Variants in GPC6 observed in about 807,000 individuals in gnomAD.
The protein encoded by GPC6 is glypican 6.
A neutral mutation model predicts 55.2 loss-of-function variants in GPC6; 14 were observed. The observed-to-expected ratio is 0.25, with a 90% CI of 0.17 to 0.40. The LOEUF (loss-of-function observed/expected upper bound fraction) is 0.40. Ranked by LOEUF, GPC6 falls within the 10% of genes least tolerant of loss-of-function variation. GPC6 has a pLI of 1.00. For synonymous variants in GPC6, 278 were observed against 259.6 expected, an observed-to-expected ratio of 1.07 and a Z score of -0.68; for missense variants, 641 against 708.5, an observed-to-expected ratio of 0.90 and a Z score of 1.08.
intron 6 of GPC6, among the ~76,000 whole-genome samples, chr13:94,364,414 C>T (rs938461944): frequency 6.6e-6 from 1 of 152,146 alleles, no homozygotes; most frequent in African/African-American, 2.4e-5. Context: ...ATTTACCTCA[C>T]CGGGGTAAGA....
intron 1 of GPC6, among the ~76,000 whole-genome samples, chr13:93,288,467 T>C (rs1878209250): frequency 6.6e-6 from 1 of 152,170 alleles, no homozygotes; most frequent in Non-Finnish European, 1.5e-5. Context: ...TTTTTTTCTT[T>C]CTGTTTTGGT....
chr13:93,638,383 A>G (rs1278804689), intron 2 of GPC6, among the ~76,000 whole-genome samples: 3 of 152,162 alleles, frequency 2.0e-5, no homozygotes, highest in Non-Finnish European at 4.4e-5. Context: ...ATTTATATAT[A>G]TCAGAATCCT....
intron 1 of GPC6, among the ~76,000 whole-genome samples, chr13:93,457,826 T>A (rs564714075): frequency 7.0e-6 from 1 of 143,852 alleles, no homozygotes; most frequent in South Asian, 2.2e-4. Flanking sequence ...TATCTGTCGA[T>A]CAATATTAAA....
chr13:93,554,691 A>G (rs2139448356), intron 2 of GPC6, among the ~76,000 whole-genome samples: 1 of 152,318 alleles, frequency 6.6e-6, no homozygotes, highest in African/African-American at 2.4e-5. Context: ...GCATTTTAGC[A>G]AATGTAAAAA....
At position 93,535,096 on chromosome 13, in the gene GPC6, T is replaced by C. The variant is rs568994237; in HGVS notation, c.161-10167T>C. Among the ~76,000 whole-genome samples, 5 of 152,212 alleles carry C rather than the reference T, an allele frequency of 3.3e-5. No homozygotes were observed. The South Asian group carries it at 1.0e-3, about 31-fold the overall frequency. ...CATGTTCTGCATTTTTGGTCTCTTA[T>C]CCTGATTTTATTATTAGTGGTCCTG... On this transcript the variant is annotated intron_variant, in intron 1 of 8. Coordinates refer to ENST00000377047, the MANE Select transcript of GPC6 (RefSeq NM_005708.5).
chr13:93,616,851 A>C (rs1878745510), intron 2 of GPC6, among the ~76,000 whole-genome samples: 1 of 152,108 alleles, frequency 6.6e-6, no homozygotes, highest in Admixed American at 6.6e-5. Flanking sequence ...AATTATAAGT[A>C]ATGATTAACT....
intron 3 of GPC6, among the ~76,000 whole-genome samples, chr13:93,916,415 A>T (rs1239311747): frequency 2.0e-5 from 3 of 152,076 alleles, no homozygotes; most frequent in Non-Finnish European, 4.4e-5. Context: ...CATTGCCAAG[A>T]GTTTGTATTT....
At chr13:93,244,023 G>C (rs1876521739) in intron 1 of GPC6, among the ~76,000 whole-genome samples, 1 of 152,094 alleles carries the variant, frequency 6.6e-6, no homozygotes, top group South Asian at 2.1e-4. Context: ...GGAAAAGCTG[G>C]GTGGGGGCTG....
chr13:93,251,443 C>T (rs959499901), intron 1 of GPC6, among the ~76,000 whole-genome samples: 4 of 152,112 alleles, frequency 2.6e-5, no homozygotes, highest in Admixed American at 1.3e-4. Context: ...ACATTATACC[C>T]ATTACATAAA....
Position 94,005,356 on chromosome 13 carries a change from C to T in GPC6, c.712-22373C>T, listed in dbSNP as rs140723485. ...CCACTGATAATCCTTGTAGAGAGTT[C>T]TGCAATGATCTGCATAAAATAGTAG... is the stretch of plus-strand genomic sequence containing the variant. On this transcript the variant is annotated intron_variant, in intron 3 of 8. Coordinates refer to ENST00000377047, the MANE Select transcript of GPC6 (RefSeq NM_005708.5). Among the ~76,000 whole-genome samples the T allele has an allele frequency of 5.3e-5, 8 of 152,238 alleles. No individual in the cohort carries two copies. In the East Asian group the frequency reaches 1.5e-3, roughly 29 times the overall value.
In GPC6 at chr13:93,567,179, C is replaced by A. The variant is rs113880092; in HGVS notation, c.319+21758C>A. Among the ~76,000 whole-genome samples the A allele has an allele frequency of 3.8e-3, 579 of 152,240 alleles. 7 individuals are homozygous for A. Among genetic ancestry groups the A allele is most frequent in the African/African-American group, 0.013 (557 of 41,536 alleles). On this transcript the variant is annotated intron_variant, in intron 2 of 8. Transcript: ENST00000377047. ...TGGTTGAACTAATTTACACTTCCAT[C>A]AACAGTCGTATTAACAATTACAATA... is the stretch of plus-strand genomic sequence containing the variant.
intron 4 of GPC6, among the ~76,000 whole-genome samples, chr13:94,125,405 T>G (rs1460086389): frequency 6.6e-6 from 1 of 152,118 alleles, no homozygotes; most frequent in African/African-American, 2.4e-5. Flanking sequence ...GCATTTTTTT[T>G]CCCAGACTGA....
At chr13:93,620,335 C>T (rs1342640835) in intron 2 of GPC6, among the ~76,000 whole-genome samples, 1 of 152,104 alleles carries the variant, frequency 6.6e-6, no homozygotes, top group South Asian at 2.1e-4. Context: ...ATTCAGTGGC[C>T]TTGTCTGGCT....
chr13:93,704,301 C>G (rs1040444297), intron 2 of GPC6, among the ~76,000 whole-genome samples: 2 of 151,836 alleles, frequency 1.3e-5, no homozygotes, highest in African/African-American at 4.8e-5. Context: ...AGAATTTATT[C>G]TGCAAATAAG....
intron 2 of GPC6, among the ~76,000 whole-genome samples, chr13:93,642,310 C>T (rs1230224412): frequency 6.6e-6 from 1 of 152,094 alleles, no homozygotes; most frequent in African/African-American, 2.4e-5. Context: ...CACGTTGCTG[C>T]AGAGGACATG....
At chr13:94,053,085 G>T (rs576385475) in intron 4 of GPC6, among the ~76,000 whole-genome samples, 23 of 152,292 alleles carry the variant, frequency 1.5e-4, no homozygotes, top group African/African-American at 4.3e-4. Context: ...CTTCATTTTT[G>T]AAGAGAATGA....
At chr13:93,655,473 G>A (rs557680438) in intron 2 of GPC6, among the ~76,000 whole-genome samples, 10 of 152,226 alleles carry the variant, frequency 6.6e-5, no homozygotes, top group South Asian at 2.1e-4. Flanking sequence ...CGGTGTAAAG[G>A]TTTAAATATA....
chr13:94,273,928 G>A (rs1181699044), intron 4 of GPC6, among the ~76,000 whole-genome samples: 1 of 152,124 alleles, frequency 6.6e-6, no homozygotes, highest in African/African-American at 2.4e-5. Flanking sequence ...TTCCTATGAA[G>A]AATCAACAAT....
At chr13:93,479,156 T>A (rs1247050707) in intron 1 of GPC6, among the ~76,000 whole-genome samples, 1 of 152,200 alleles carries the variant, frequency 6.6e-6, no homozygotes, top group Non-Finnish European at 1.5e-5. Flanking sequence ...AATAGAATTA[T>A]GTCTTGGGAA....
Sources: allele counts gnomAD v4.1 joint callset (sites outside exome capture counted in the v4.1 genomes callset), GRCh38; gene constraint gnomAD v4.1.1; transcripts MANE v1.5; gene names NCBI Gene and HGNC (gene_info 2026-07-23, HGNC 2026-07-21).